The following GABRG1 variants were observed in gnomAD, a reference collection of about 807,000 sequenced individuals.
GABRG1 encodes the protein gamma-aminobutyric acid type A receptor subunit gamma1, also known as gamma-aminobutyric acid receptor subunit gamma-1.
In GABRG1, 49 loss-of-function variants were observed where a neutral mutation model predicts 49.8. That is an observed-to-expected ratio of 0.98 (90% CI 0.78 to 1.25). The LOEUF (loss-of-function observed/expected upper bound fraction) is 1.25. Among genes scored for constraint, GABRG1 ranks in the 50% most tolerant of loss-of-function variants. GABRG1 has a pLI of 0.00. For missense variants in GABRG1, 552 were observed against 552.3 expected (o/e 1.00, Z 0.01); for synonymous variants, 232 against 185.1 (o/e 1.25, Z -2.06).
At chr4:46,051,721 G>A in intron 7 of GABRG1, 83 bp from the exon 8 acceptor site, 1 of 803,300 alleles carries the variant, frequency 1.2e-6, no homozygotes, top group Non-Finnish European at 2.0e-6. Flanking sequence ...TATTGTGAGT[G>A]AAATTAAACA....
At chr4:46,103,224 T>C (rs1377143477) in intron 1 of GABRG1, among the ~76,000 whole-genome samples, 2 of 151,464 alleles carry the variant, frequency 1.3e-5, no homozygotes, top group Non-Finnish European at 3.0e-5. Context: ...CCTGAAGAAA[T>C]AGTGATAGAC....
At chr4:46,071,894 A>G (rs941331561) in intron 3 of GABRG1, among the ~76,000 whole-genome samples, 15 of 152,060 alleles carry the variant, frequency 9.9e-5, no homozygotes, top group Non-Finnish European at 2.2e-4. Flanking sequence ...GAAGAAAGAA[A>G]TTAAAAAATT....
chr4:46,090,894 G>A (rs531626499), intron 2 of GABRG1, among the ~76,000 whole-genome samples: 10 of 148,688 alleles, frequency 6.7e-5, no homozygotes, highest in African/African-American at 2.0e-4. Flanking sequence ...ACAAAACTTC[G>A]AATTAAGGGC....
At chr4:46,123,658 A>T in intron 1 of GABRG1, 152 bp downstream of exon 1, 1 of 612,044 alleles carries the variant, frequency 1.6e-6, no homozygotes, top group Non-Finnish European at 2.9e-6. Context: ...GAATGAATAG[A>T]TCTAATCAGA....
chr4:46,064,410 C>A, intron 5 of GABRG1, 31 bp downstream of exon 5: 1 of 1,195,626 alleles, frequency 8.4e-7, no homozygotes, highest in South Asian at 1.5e-5. Context: ...GGTTAAAATT[C>A]TATGAAATTA....
At chr4:46,109,711 G>T (rs1024191867) in intron 1 of GABRG1, among the ~76,000 whole-genome samples, 1 of 151,094 alleles carries the variant, frequency 6.6e-6, no homozygotes, top group Non-Finnish European at 1.5e-5. Flanking sequence ...AGTATATTGT[G>T]TCTCTGTCTT....
chr4:46,049,934 C>T (rs1462995806), intron 8 of GABRG1, among the ~76,000 whole-genome samples: 1 of 151,848 alleles, frequency 6.6e-6, no homozygotes, highest in Non-Finnish European at 1.5e-5. Context: ...TGAGATTGTA[C>T]ATTGCCTGGC....
rs1194608090 is a variant in GABRG1, at chr4:46,037,842, ATGGGGCCCT to A, written c.*3137_*3145del. ...GGAATATAATTTCACATTTATAACT[ATGGGGCCCT>A]TGGTGTGAGAGAACTGTAGCCTATT... On this transcript the variant is annotated 3_prime_UTR_variant, in exon 9 of 9. Coordinates refer to ENST00000295452, the MANE Select transcript of GABRG1 (RefSeq NM_173536.4). The A allele has an allele frequency of 6.6e-6, 1 of 151,656 alleles. No homozygotes were observed. Among genetic ancestry groups the A allele is most frequent in the Non-Finnish European group, 1.5e-5 (1 of 67,732 alleles). The allele number at this position is 151,656 out of a possible 1,614,324, so 9.4% of individuals were successfully genotyped here.
At chr4:46,089,580 T>C (rs1210703487) in intron 2 of GABRG1, among the ~76,000 whole-genome samples, 2 of 152,136 alleles carry the variant, frequency 1.3e-5, no homozygotes, top group East Asian at 1.9e-4. Context: ...TCTTTTAATC[T>C]GGATATTAAA....
intron 7 of GABRG1, among the ~76,000 whole-genome samples, chr4:46,056,172 A>AAAAAAAAAAAAAAC (rs1718435709): frequency 6.8e-6 from 1 of 146,364 alleles, no homozygotes; most frequent in East Asian, 2.0e-4. Context: ...AAAAAAAAAA[A>AAAAAAAAAAAAAAC]AAAAAAAATA....
intron 2 of GABRG1, among the ~76,000 whole-genome samples, chr4:46,091,782 G>A (rs1424720233): frequency 1.3e-5 from 2 of 151,988 alleles, no homozygotes; most frequent in Non-Finnish European, 2.9e-5. Flanking sequence ...TACAGGCCGA[G>A]AATTTCAAAA....
At chr4:46,062,294 G>A (rs1378155517) in intron 5 of GABRG1, among the ~76,000 whole-genome samples, 1 of 151,722 alleles carries the variant, frequency 6.6e-6, no homozygotes, top group Non-Finnish European at 1.5e-5. Flanking sequence ...ATTTGGGTTG[G>A]TTCCAAGTCT....
chr4:46,090,118 T>C (rs1197148739), intron 2 of GABRG1, among the ~76,000 whole-genome samples: 1 of 152,042 alleles, frequency 6.6e-6, no homozygotes, highest in Non-Finnish European at 1.5e-5. Flanking sequence ...AGACAAAGGG[T>C]ACTAAAACAT....
chr4:46,044,184 A>C (rs908521732), intron 8 of GABRG1, among the ~76,000 whole-genome samples: 20 of 152,100 alleles, frequency 1.3e-4, no homozygotes, highest in Non-Finnish European at 8.8e-5. Context: ...AAAAATCAAC[A>C]GGAGAAGGCT....
chr4:46,081,527 T>G (rs1341546092), intron 3 of GABRG1, among the ~76,000 whole-genome samples: 1 of 151,622 alleles, frequency 6.6e-6, no homozygotes, highest in Non-Finnish European at 1.5e-5. Context: ...ACCAAAGGAG[T>G]AAGCAGACAT....
chr4:46,085,271 T>C (rs1316937529), intron 2 of GABRG1, among the ~76,000 whole-genome samples: 1 of 151,528 alleles, frequency 6.6e-6, no homozygotes, highest in African/African-American at 2.4e-5. Context: ...ACTGTCTTGG[T>C]TTCCTGACAT....
In GABRG1 at chr4:46,064,469, T is replaced by C. The variant is rs1235412789; in HGVS notation, c.597A>G (p.Glu199=). The C allele has an allele frequency of 6.5e-7, 1 of 1,542,854 alleles. No individual in the cohort carries two copies. The highest frequency in any genetic ancestry group is 1.4e-5 in the African/African-American group (1 of 71,300). The part of the protein sequence containing the change: ...YLQLHNFPMD[E]HSCPLEFSSY... Reference sequence around the variant, plus strand: ...TTGAAAATTCCAGTGGACAGGAATGTTCATCCATGGGAAAGTTATGAAGCT... The same window carrying C: ...TTGAAAATTCCAGTGGACAGGAATGCTCATCCATGGGAAAGTTATGAAGCT... The change falls in exon 5 of 9, where the codon GAA becomes GAG. Residue 199 remains glutamate (E), a synonymous_variant. Transcript: ENST00000295452.
intron 3 of GABRG1, 70 bp downstream of exon 3, chr4:46,083,916 C>A: frequency 6.1e-6 from 5 of 824,262 alleles, no homozygotes; most frequent in Non-Finnish European, 1.0e-5. Flanking sequence ...TACTCACATG[C>A]GAATTCTATT....
chr4:46,121,903 G>A (rs1721099531), intron 1 of GABRG1, among the ~76,000 whole-genome samples: 1 of 151,996 alleles, frequency 6.6e-6, no homozygotes, highest in Admixed American at 6.6e-5. Context: ...TGGTTAAAAA[G>A]TCCATAGTAT....
Sources: allele counts gnomAD v4.1 joint callset (sites outside exome capture counted in the v4.1 genomes callset), GRCh38; gene constraint gnomAD v4.1.1; transcripts MANE v1.5; gene names NCBI Gene and HGNC (gene_info 2026-07-23, HGNC 2026-07-21).